Variants in ISOC1 observed in about 807,000 individuals in gnomAD.
ISOC1 encodes the protein isochorismatase domain-containing protein 1.
In ISOC1, 33 loss-of-function variants were observed where a neutral mutation model predicts 30.0. The ratio of observed to expected loss-of-function variants is 1.10; its 90% confidence interval spans 0.83 to 1.47. ISOC1 has a LOEUF of 1.47. Ranked by LOEUF, ISOC1 falls within the 40% of genes most tolerant of loss-of-function variation. The pLI is 0.00. For missense variants in ISOC1, 372 were observed against 388.0 expected (o/e 0.96, Z 0.35); for synonymous variants, 178 against 159.8 (o/e 1.11, Z -0.86).
intron 1 of ISOC1, among the ~76,000 whole-genome samples, chr5:129,101,982 G>A (rs1043050822): frequency 6.6e-6 from 1 of 152,122 alleles, no homozygotes; most frequent in Non-Finnish European, 1.5e-5. Flanking sequence ...GGTCACAAGG[G>A]TCATTCTCAT....
intron 3 of ISOC1, among the ~76,000 whole-genome samples, chr5:129,106,502 C>G (rs531822389): frequency 6.6e-6 from 1 of 152,218 alleles, no homozygotes; most frequent in Admixed American, 6.5e-5. Flanking sequence ...CAGAGTGCCT[C>G]ATAATGACTC....
At chr5:129,103,522 A>G (rs1753596030) in intron 1 of ISOC1, among the ~76,000 whole-genome samples, 1 of 152,210 alleles carries the variant, frequency 6.6e-6, no homozygotes, top group South Asian at 2.1e-4. Context: ...TAGTTAATAC[A>G]CATCTATAGA....
chr5:129,109,268 G>T (rs907611473), intron 4 of ISOC1, among the ~76,000 whole-genome samples: 6 of 152,198 alleles, frequency 3.9e-5, no homozygotes, highest in African/African-American at 1.4e-4. Flanking sequence ...GTAAATTTGT[G>T]ACTTTGAGCA....
rs530870275 is a variant in ISOC1 at position 129,113,276 on chromosome 5, C to T, written c.*275C>T. ...ATTACAATGAAGATGCCTGTTTTGT[C>T]TCTACTGTGTACTCTGATCGTATCT... is the stretch of plus-strand genomic sequence containing the variant. On this transcript the variant is annotated 3_prime_UTR_variant, in exon 5 of 5. Transcript: ENST00000173527. The T allele has an allele frequency of 4.2e-4, 126 of 297,658 alleles. 2 individuals carry two copies. The South Asian group carries it at 8.1e-3, about 19-fold the overall frequency. 18.4% of individuals were successfully genotyped at this position (297,658 alleles called of 1,614,324 possible).
rs1753580223 is a variant in ISOC1 at position 129,102,190 on chromosome 5, C to T, written c.310-2766C>T. ...GGGAGTTAAACACCTTACATAGATA[C>T]TCTCCACATCATATTCAACAGCATG... is the stretch of plus-strand genomic sequence containing the variant. On this transcript the variant is annotated intron_variant, in intron 1 of 4. Coordinates refer to ENST00000173527, the MANE Select transcript of ISOC1 (RefSeq NM_016048.2). Among the ~76,000 whole-genome samples the T allele has an allele frequency of 2.0e-5, 3 of 152,178 alleles. No individual in the cohort carries two copies. In the South Asian group the frequency reaches 6.2e-4, roughly 31 times the overall value.
chr5:129,106,657 G>A (rs942531810), intron 3 of ISOC1, among the ~76,000 whole-genome samples: 2 of 152,136 alleles, frequency 1.3e-5, no homozygotes, highest in African/African-American at 4.8e-5. Flanking sequence ...CAGATCACAT[G>A]GAGCAAAATC....
At chr5:129,098,729 A>G (rs1753537035) in intron 1 of ISOC1, among the ~76,000 whole-genome samples, 1 of 152,192 alleles carries the variant, frequency 6.6e-6, no homozygotes, top group Admixed American at 6.5e-5. Context: ...AGGGCGTTCC[A>G]GGGAAGGTTA....
chr5:129,109,939 C>T (rs73235873), intron 4 of ISOC1, among the ~76,000 whole-genome samples: 10,105 of 152,200 alleles, frequency 0.066, 652 homozygotes, highest in African/African-American at 0.17. Flanking sequence ...CTTCACTGTA[C>T]CAGGGTCTGT....
At chr5:129,111,302 A>G (rs985847971) in intron 4 of ISOC1, among the ~76,000 whole-genome samples, 1 of 152,032 alleles carries the variant, frequency 6.6e-6, no homozygotes, top group Non-Finnish European at 1.5e-5. Context: ...TTTTTAAAAA[A>G]TTGCTGCAAA....
chr5:129,098,887 G>A (rs575337569), intron 1 of ISOC1, among the ~76,000 whole-genome samples: 70 of 152,272 alleles, frequency 4.6e-4, no homozygotes, highest in African/African-American at 1.6e-3. Flanking sequence ...GGTGGGAAGG[G>A]AGGGAAGGCA....
chr5:129,098,399 C>G (rs1489846636), intron 1 of ISOC1, among the ~76,000 whole-genome samples: 2 of 152,140 alleles, frequency 1.3e-5, no homozygotes, highest in African/African-American at 2.4e-5. Context: ...TGCTTGAGAT[C>G]TGATGAATTT....
chr5:129,096,380 T>C (rs2150169539), intron 1 of ISOC1, among the ~76,000 whole-genome samples: 1 of 152,298 alleles, frequency 6.6e-6, no homozygotes, highest in Admixed American at 6.5e-5. Context: ...AGTTGGCAGC[T>C]GAATTGATGA....
At chr5:129,103,227 G>A (rs1169171069) in intron 1 of ISOC1, among the ~76,000 whole-genome samples, 1 of 152,066 alleles carries the variant, frequency 6.6e-6, no homozygotes, top group Non-Finnish European at 1.5e-5. Context: ...TTAGTGATTG[G>A]TTTTTAAAAT....
chr5:129,106,829 G>C (rs1753643176), intron 3 of ISOC1, 117 bp from the exon 4 acceptor site: 1 of 656,222 alleles, frequency 1.5e-6, no homozygotes. Context: ...ACTAGATGTA[G>C]AACAAGGTCC....
At chr5:129,095,496 C>T (rs1327672745) in intron 1 of ISOC1, among the ~76,000 whole-genome samples, 2 of 152,174 alleles carry the variant, frequency 1.3e-5, no homozygotes, top group Non-Finnish European at 2.9e-5. Context: ...GAGTATTGGT[C>T]TTAGGGTTTG....
At chr5:129,112,831 T>G in intron 4 of ISOC1, 24 bp from the exon 5 acceptor site, 1 of 1,606,522 alleles carries the variant, frequency 6.2e-7, no homozygotes, top group Non-Finnish European at 8.5e-7. Flanking sequence ...TATTTCTTGA[T>G]TTGCCTTTAT....
chr5:129,095,000 C>T lies in ISOC1; in HGVS notation c.234C>T (p.Gly78=). The change falls in exon 1 of 5, where the codon GGC becomes GGT. Residue 78 remains glycine (G), a synonymous_variant. Transcript: ENST00000173527. ...TGCAGCTGTTCGCCGAGGAGTGGGG[C>T]CAGTACGTGGACTTGCCCAAGGGCT... ...FVVQLFAEEW[G]QYVDLPKGFA... is the part of the protein sequence containing the mutation. 6 of 1,609,250 alleles carry T rather than the reference C, an allele frequency of 3.7e-6. No individual in the cohort carries two copies. Among genetic ancestry groups the T allele is most frequent in the Non-Finnish European group, 4.2e-6 (5 of 1,179,274 alleles).
chr5:129,098,715 G>A (rs935456887), intron 1 of ISOC1, among the ~76,000 whole-genome samples: 2 of 152,184 alleles, frequency 1.3e-5, no homozygotes, highest in Non-Finnish European at 2.9e-5. Context: ...GTGGCCAGAA[G>A]ATAAGGGCGT....
chr5:129,102,454 C>T (rs3798111), intron 1 of ISOC1, among the ~76,000 whole-genome samples: 20,716 of 151,930 alleles, frequency 0.14, 1,952 homozygotes, highest in African/African-American at 0.26. Flanking sequence ...TGTCCAGAAC[C>T]CATAGCTAAA....
Sources: gnomAD v4.1 joint callset for allele counts (sites outside exome capture counted in the v4.1 genomes callset) on GRCh38, gnomAD v4.1.1 for gene constraint, MANE v1.5 for transcripts, NCBI Gene and HGNC (gene_info 2026-07-23, HGNC 2026-07-21) for gene names.